Variants in ARL15 observed in about 807,000 individuals in gnomAD.
ARL15 encodes the protein ADP-ribosylation factor-like protein 15.
ARL15 carries 19 observed loss-of-function variants against 25.2 expected under a neutral mutation model. The observed-to-expected ratio is 0.75, with a 90% CI of 0.53 to 1.10. The LOEUF (loss-of-function observed/expected upper bound fraction) is 1.10. Among genes scored for constraint, ARL15 ranks in the 50% least tolerant of loss-of-function variants. The pLI, the probability that ARL15 is intolerant of heterozygous loss-of-function variation, is 0.00. For missense variants in ARL15, 220 were observed against 246.0 expected (o/e 0.89, Z 0.71); for synonymous variants, 94 against 86.8 (o/e 1.08, Z -0.46).
intron 1 of ARL15, among the ~76,000 whole-genome samples, chr5:54,250,621 A>G (rs1021276287): frequency 8.5e-5 from 13 of 152,136 alleles, no homozygotes; most frequent in African/African-American, 2.7e-4. Context: ...GATGAGAGAC[A>G]TGATGGTGGA....
chr5:54,233,584 G>A (rs1756726422), intron 1 of ARL15, among the ~76,000 whole-genome samples: 1 of 152,164 alleles, frequency 6.6e-6, no homozygotes, highest in African/African-American at 2.4e-5. Context: ...AGTCATGCCT[G>A]AGCAAAAGAG....
rs59145507 is a variant in ARL15, at chr5:53,899,347, C to CAAAAAA, written c.463-12640_463-12635dup. The stretch of plus-strand genomic sequence containing the variant: ...TGGGTAACAGAGTGAGACTCTATCC[C>CAAAAAA]AAAAAAAAAAAAAAAAAAAAAAAAA... On this transcript the variant is annotated intron_variant, in intron 4 of 4. Transcript: ENST00000504924. Among the ~76,000 whole-genome samples, 72 of 89,370 alleles carry CAAAAAA rather than the reference C, an allele frequency of 8.1e-4. 1 individual carries two copies. Among genetic ancestry groups the CAAAAAA allele is most frequent in the African/African-American group, 2.5e-3 (45 of 18,362 alleles). 58.6% of individuals were successfully genotyped at this position (89,370 alleles called of 152,430 possible).
At chr5:54,305,633 A>G (rs1758736938) in intron 1 of ARL15, among the ~76,000 whole-genome samples, 2 of 152,224 alleles carry the variant, frequency 1.3e-5, no homozygotes, top group South Asian at 2.1e-4. Flanking sequence ...ATACACACAC[A>G]CCTATGATAA....
chr5:54,200,150 G>C (rs181302024), intron 1 of ARL15, among the ~76,000 whole-genome samples: 3 of 133,162 alleles, frequency 2.3e-5, no homozygotes, highest in Non-Finnish European at 4.8e-5. Context: ...GTTGTGGGGT[G>C]GGGGGAGGGG....
chr5:53,915,397 G>A (rs1288739561), intron 4 of ARL15, among the ~76,000 whole-genome samples: 3 of 152,124 alleles, frequency 2.0e-5, no homozygotes, highest in Non-Finnish European at 4.4e-5. Flanking sequence ...ATTATAACAA[G>A]GTATGTATAA....
At chr5:54,244,354 G>A (rs542992814) in intron 1 of ARL15, among the ~76,000 whole-genome samples, 2 of 152,240 alleles carry the variant, frequency 1.3e-5, no homozygotes, top group East Asian at 1.9e-4. Flanking sequence ...AATACCATTA[G>A]AGAAACCACG....
chr5:54,086,726 G>A (rs533784904), intron 4 of ARL15, among the ~76,000 whole-genome samples: 1 of 152,028 alleles, frequency 6.6e-6, no homozygotes, highest in African/African-American at 2.4e-5. Context: ...AAAGAAATCA[G>A]AATGGGTTAA....
chr5:54,302,712 T>TTC (rs1554053980), intron 1 of ARL15, among the ~76,000 whole-genome samples: 9 of 136,586 alleles, frequency 6.6e-5, no homozygotes, highest in African/African-American at 2.2e-4. Context: ...TTTTTTTTTT[T>TTC]CCAGGATGGG....
chr5:53,887,783 T>G (rs963987644), intron 4 of ARL15, among the ~76,000 whole-genome samples: 1 of 152,208 alleles, frequency 6.6e-6, no homozygotes. Flanking sequence ...AGTCTTACCT[T>G]AGTCAATACT....
chr5:53,946,671 A>C (rs947140904), intron 4 of ARL15, among the ~76,000 whole-genome samples: 1 of 152,096 alleles, frequency 6.6e-6, no homozygotes, highest in Non-Finnish European at 1.5e-5. Context: ...TGGAGGTGGG[A>C]AAGTTAGGTG....
chr5:54,023,301 T>G (rs201262140), intron 4 of ARL15, among the ~76,000 whole-genome samples: 99,518 of 151,626 alleles, frequency 0.66, 32,902 homozygotes, highest in East Asian at 0.84. Flanking sequence ...ACAGACACAT[T>G]TAAAAATATT....
intron 1 of ARL15, among the ~76,000 whole-genome samples, chr5:54,195,550 C>G (rs1036399207): frequency 6.6e-6 from 1 of 152,074 alleles, no homozygotes. Context: ...CATATGAGGA[C>G]ACACACTTAA....
At chr5:54,158,008 A>G (rs1754292986) in intron 2 of ARL15, among the ~76,000 whole-genome samples, 1 of 152,220 alleles carries the variant, frequency 6.6e-6, no homozygotes, top group South Asian at 2.1e-4. Flanking sequence ...CTAAAAATCT[A>G]AAGTCATACT....
intron 4 of ARL15, among the ~76,000 whole-genome samples, chr5:53,920,025 G>A (rs1745794413): frequency 6.6e-6 from 1 of 152,100 alleles, no homozygotes; most frequent in African/African-American, 2.4e-5. Context: ...CACAGTGACT[G>A]CCCAGAGTAG....
At chr5:54,226,948 T>C (rs1756537005) in intron 1 of ARL15, among the ~76,000 whole-genome samples, 2 of 152,304 alleles carry the variant, frequency 1.3e-5, no homozygotes, top group South Asian at 2.1e-4. Flanking sequence ...CTGATGGTCT[T>C]ATAAGGGATT....
At chr5:54,080,236 T>G (rs1405392936) in intron 4 of ARL15, among the ~76,000 whole-genome samples, 2 of 152,166 alleles carry the variant, frequency 1.3e-5, no homozygotes, top group Non-Finnish European at 2.9e-5. Context: ...TTTTGAAGAC[T>G]AACAATTTTT....
intron 4 of ARL15, among the ~76,000 whole-genome samples, chr5:54,041,893 G>A (rs1264338643): frequency 2.0e-5 from 3 of 152,010 alleles, no homozygotes; most frequent in Admixed American, 1.3e-4. Flanking sequence ...GGATTGTTTG[G>A]TAAAAAATCC....
intron 4 of ARL15, among the ~76,000 whole-genome samples, chr5:53,929,664 A>T (rs1045833108): frequency 6.6e-6 from 1 of 152,240 alleles, no homozygotes; most frequent in Non-Finnish European, 1.5e-5. Flanking sequence ...TATTTCATGC[A>T]TGGCAGTGTT....
At chr5:54,020,201 G>A (rs2111832796) in intron 4 of ARL15, among the ~76,000 whole-genome samples, 1 of 152,266 alleles carries the variant, frequency 6.6e-6, no homozygotes, top group East Asian at 1.9e-4. Context: ...TACGTTCCAG[G>A]AACCTGGACT....
Sources: allele counts gnomAD v4.1 joint callset (sites outside exome capture counted in the v4.1 genomes callset), GRCh38; gene constraint gnomAD v4.1.1; transcripts MANE v1.5; gene names NCBI Gene and HGNC (gene_info 2026-07-23, HGNC 2026-07-21).